The following AHCYL1 variants were observed in gnomAD, a reference collection of about 807,000 sequenced individuals.
AHCYL1 encodes the protein S-adenosylhomocysteine hydrolase-like protein 1.
Under a neutral mutation model 79.3 loss-of-function variants are expected in AHCYL1, and 20 were observed. The observed-to-expected ratio is 0.25, with a 90% CI of 0.18 to 0.37. The LOEUF (loss-of-function observed/expected upper bound fraction) is 0.37, where lower values mean the gene tolerates loss of function less well. AHCYL1 is among the 10% of genes least tolerant of loss of function. The probability of loss-of-function intolerance (pLI) is 1.00; values close to 1 mark genes in which losing one functional copy is unlikely to be tolerated. For synonymous variants in AHCYL1, 223 were observed against 242.2 expected, an observed-to-expected ratio of 0.92 and a Z score of 0.74; for missense variants, 330 against 673.6, an observed-to-expected ratio of 0.49 and a Z score of 5.65.
chr1:109,992,593 A>G (rs1249632269), intron 1 of AHCYL1, among the ~76,000 whole-genome samples: 1 of 152,154 alleles, frequency 6.6e-6, no homozygotes, highest in African/African-American at 2.4e-5. Flanking sequence ...GCACATCCCC[A>G]TCTTTGTTTC....
Position 110,005,877 on chromosome 1 carries a change from A to G in AHCYL1, c.121-3157A>G, listed in dbSNP as rs1054683679. ...CCCCTTCTCTTGGTAAGGTCTGCAC[A>G]ATTCTTTCAGCTCACTTTGTCAGCA... On this transcript the variant is annotated intron_variant, in intron 1 of 16. Transcript: ENST00000369799. Among the ~76,000 whole-genome samples, 13 of 152,280 alleles carry G rather than the reference A, an allele frequency of 8.5e-5. No individual in the cohort carries two copies. In the East Asian group the frequency reaches 2.5e-3, roughly 29 times the overall value.
chr1:109,995,905 A>G (rs532348280), intron 1 of AHCYL1, among the ~76,000 whole-genome samples: 11 of 152,206 alleles, frequency 7.2e-5, no homozygotes, highest in African/African-American at 1.9e-4. Flanking sequence ...ACTGGCCAAC[A>G]TTGTTCGGAA....
intron 1 of AHCYL1, among the ~76,000 whole-genome samples, chr1:110,001,850 A>G (rs556063091): frequency 4.6e-5 from 7 of 152,226 alleles, no homozygotes; most frequent in Non-Finnish European, 8.8e-5. Context: ...GAACCCAACT[A>G]AAATATAAAA....
intron 1 of AHCYL1, among the ~76,000 whole-genome samples, chr1:109,990,831 T>C (rs891477038): frequency 4.7e-4 from 72 of 152,252 alleles, no homozygotes; most frequent in African/African-American, 1.7e-3. Context: ...CTTCAGGTGT[T>C]TGGGGTTTTC....
intron 1 of AHCYL1, among the ~76,000 whole-genome samples, chr1:109,992,650 T>C (rs1390854496): frequency 2.0e-5 from 3 of 152,208 alleles, no homozygotes; most frequent in African/African-American, 4.8e-5. Flanking sequence ...GTGTAGAAGA[T>C]AGAGAATTGG....
intron 1 of AHCYL1, among the ~76,000 whole-genome samples, chr1:109,995,365 G>A (rs1405994085): frequency 6.6e-6 from 1 of 152,152 alleles, no homozygotes; most frequent in Non-Finnish European, 1.5e-5. Flanking sequence ...TCTGGAATGA[G>A]AGCACTTTGC....
At chr1:109,991,193 TG>T (rs1557759149) in intron 1 of AHCYL1, among the ~76,000 whole-genome samples, 1 of 152,208 alleles carries the variant, frequency 6.6e-6, no homozygotes. Flanking sequence ...CAGTATACAT[TG>T]GGGGGCTTAA....
chr1:110,007,172 C>A (rs908293035), intron 1 of AHCYL1, among the ~76,000 whole-genome samples: 16 of 152,270 alleles, frequency 1.1e-4, no homozygotes, highest in African/African-American at 3.6e-4. Context: ...CACCCTCACC[C>A]TCCATGTACC....
chr1:110,014,882 C>T, intron 6 of AHCYL1, 25 bp downstream of exon 6: 6 of 1,584,554 alleles, frequency 3.8e-6, no homozygotes, highest in African/African-American at 1.3e-5. Context: ...ACATCCTACA[C>T]TTTGACAATA....
chr1:109,996,471 T>A (rs1650035462), intron 1 of AHCYL1, among the ~76,000 whole-genome samples: 1 of 152,216 alleles, frequency 6.6e-6, no homozygotes, highest in African/African-American at 2.4e-5. Context: ...GCTGACATTC[T>A]TGTGAGGTTA....
At chr1:110,004,176 C>T (rs1261665535) in intron 1 of AHCYL1, 1 of 985,390 alleles carries the variant, frequency 1.0e-6, no homozygotes, top group Non-Finnish European at 1.2e-6. Flanking sequence ...GTGTTATATC[C>T]TGTTACTGTT....
intron 4 of AHCYL1, 112 bp from the exon 5 acceptor site, chr1:110,012,785 T>C: frequency 1.4e-6 from 1 of 736,644 alleles, no homozygotes; most frequent in East Asian, 2.8e-5. Flanking sequence ...AACTTTCCAG[T>C]GTAGCACCTG....
intron 1 of AHCYL1, among the ~76,000 whole-genome samples, chr1:109,998,767 C>T (rs767654121): frequency 6.3e-4 from 96 of 152,256 alleles, no homozygotes; most frequent in Admixed American, 2.5e-3. Flanking sequence ...TGTGGGCCAC[C>T]GAGCCTGGCC....
At position 110,011,260 on chromosome 1, in the gene AHCYL1, G is replaced by A; in HGVS notation, c.279G>A (p.Glu93=). The A allele has an allele frequency of 1.2e-6, 2 of 1,614,150 alleles. No homozygotes were observed. Among genetic ancestry groups the A allele is most frequent in the Non-Finnish European group, 1.7e-6 (2 of 1,180,022 alleles). ...CTGATGATGAGGTTTCTCCCCGAGA[G>A]AAGCAGCAAACCAACTCCAAGGGCA... is the stretch of plus-strand genomic sequence containing the variant. The part of the protein sequence containing the change: ...DSSDDEVSPR[E]KQQTNSKGSS... The change falls in exon 3 of 17, where the codon GAG becomes GAA. Residue 93 remains glutamate (E), a synonymous_variant. Transcript: ENST00000369799.
At position 110,001,466 on chromosome 1, in the gene AHCYL1, G is replaced by A. The variant is rs959303464; in HGVS notation, c.121-7568G>A. 7.2e-5 allele frequency among the ~76,000 whole-genome samples: 11 copies of A among 152,268 alleles called. No individual in the cohort carries two copies. The East Asian group carries it at 2.1e-3, about 29-fold the overall frequency. On this transcript the variant is annotated intron_variant, in intron 1 of 16. Transcript: ENST00000369799. ...CTCCCAAAGTGCTGGGATTACAGGC[G>A]TGAGCCACCACACCCGGCCTTGACA...
intron 1 of AHCYL1, among the ~76,000 whole-genome samples, chr1:109,997,085 A>G (rs1650071046): frequency 6.6e-6 from 1 of 152,216 alleles, no homozygotes; most frequent in Non-Finnish European, 1.5e-5. Context: ...TCTAAGCTAA[A>G]GAGTCTATGT....
intron 4 of AHCYL1, 66 bp downstream of exon 4, chr1:110,012,528 TCA>T: frequency 7.7e-7 from 1 of 1,298,562 alleles, no homozygotes; most frequent in Non-Finnish European, 1.0e-6. Context: ...TTTTTTTTTT[TCA>T]CTTTTCCTTT....
intron 1 of AHCYL1, among the ~76,000 whole-genome samples, chr1:110,003,236 ATATTCT>A (rs1365993308): frequency 3.3e-5 from 5 of 152,178 alleles, no homozygotes; most frequent in Admixed American, 1.3e-4. Flanking sequence ...CTGTAGGAGA[ATATTCT>A]TATTCTTAGA....
At position 109,985,040 on chromosome 1, in the gene AHCYL1, G is replaced by C. The variant is rs1190559923; in HGVS notation, c.-13G>C. ...GGGGCGGCGGGTCAGCCGCTGGCCG[G>C]GCCGGCCGGGGAATGTCGATGCCTG... On this transcript the variant is annotated 5_prime_UTR_variant, in exon 1 of 17. Coordinates refer to ENST00000369799, the MANE Select transcript of AHCYL1 (RefSeq NM_006621.7). The C allele has an allele frequency of 1.6e-5, 25 of 1,555,972 alleles. No homozygotes were observed. The highest frequency in any genetic ancestry group is 2.2e-5 in the Non-Finnish European group (25 of 1,153,134).
Sources: gnomAD v4.1 joint callset for allele counts (sites outside exome capture counted in the v4.1 genomes callset) on GRCh38, gnomAD v4.1.1 for gene constraint, MANE v1.5 for transcripts, NCBI Gene and HGNC (gene_info 2026-07-23, HGNC 2026-07-21) for gene names.